NXNL1: variants seen among roughly 807,000 people sequenced by gnomAD.
The protein encoded by NXNL1 is nucleoredoxin like 1, also known as nucleoredoxin-like protein 1.
Under a neutral mutation model 7.2 loss-of-function variants are expected in NXNL1, and 6 were observed. The observed-to-expected ratio is 0.83, with a 90% CI of 0.46 to 1.64. NXNL1 has a LOEUF of 1.64. NXNL1 is among the 40% of genes most tolerant of loss of function. NXNL1 has a pLI of 0.01. For synonymous variants in NXNL1, 133 were observed against 127.2 expected (o/e 1.05, Z -0.31); for missense variants, 308 against 285.1 (o/e 1.08, Z -0.58).
At position 17,455,969 on chromosome 19, in the gene NXNL1, G is replaced by A. The variant is rs763601710; in HGVS notation, c.327-10C>T. 3.8e-6 allele frequency: 6 copies of A among 1,597,546 alleles called. No homozygotes were observed. Among genetic ancestry groups the A allele is most frequent in the African/African-American group, 2.7e-5 (2 of 75,004 alleles). ...CTGGCGCCCGAGGTCCCTGCGGAGC[G>A]GGCAGGTCAGTCTGGACGGATCCAC... is the stretch of plus-strand genomic sequence containing the variant. On this transcript the variant is annotated splice_polypyrimidine_tract_variant and intron_variant, in intron 1 of 1. Coordinates refer to ENST00000301944, the MANE Select transcript of NXNL1 (RefSeq NM_138454.2).
chr19:17,455,952 C>G lies in NXNL1; in HGVS notation c.334G>C (p.Gly112Arg). Residue 112 changes from glycine (G) to arginine (R), a missense_variant, in exon 2 of 2, where the codon GGG becomes CGG. By Grantham distance (125) the Gly-to-Arg change is moderately radical (BLOSUM62 -2). Coordinates refer to ENST00000301944, the MANE Select transcript of NXNL1 (RefSeq NM_138454.2). ...AGGCGCTCCACTGAGAACTGGCGCCCGAGGTCCCTGCGGAGCGGGCAGGTC... is the reference window on the plus strand; with the variant it reads ...AGGCGCTCCACTGAGAACTGGCGCCGGAGGTCCCTGCGGAGCGGGCAGGTC... Reference protein sequence around the residue: ...PFEDDLRRDLGRQFSVERLPA... With the variant: ...PFEDDLRRDLRRQFSVERLPA... The G allele has an allele frequency of 6.3e-7, 1 of 1,597,596 alleles. No individual in the cohort carries two copies. The highest frequency in any genetic ancestry group is 1.1e-5 in the South Asian group (1 of 91,000).
chr19:17,457,174 G>A (rs890868489), intron 1 of NXNL1, among the ~76,000 whole-genome samples: 1 of 151,730 alleles, frequency 6.6e-6, no homozygotes, highest in African/African-American at 2.4e-5. Flanking sequence ...GAGGTGGGAG[G>A]ATTGCTTGAG....
intron 1 of NXNL1, among the ~76,000 whole-genome samples, chr19:17,456,766 G>A (rs1339823941): frequency 1.3e-5 from 2 of 152,046 alleles, no homozygotes; most frequent in African/African-American, 4.8e-5. Flanking sequence ...GCCACAAAGA[G>A]AACCCATGAT....
At position 17,455,677 on chromosome 19, in the gene NXNL1, C is replaced by T; in HGVS notation, c.609G>A (p.Gly203=). Reference sequence around the variant, plus strand: ...ACAGCCCCCCGGCCCCGCCCTCCTCCCCACCCCCTCCCCCGGGGTCGCGCC... The same window carrying T: ...ACAGCCCCCCGGCCCCGCCCTCCTCTCCACCCCCTCCCCCGGGGTCGCGCC... ...RGGRDPGGGG[G]EEGGAGGLF is the part of the protein sequence containing the mutation. Residue 203 remains glycine, a synonymous_variant, in exon 2 of 2, where the codon GGG becomes GGA. Coordinates refer to ENST00000301944, the MANE Select transcript of NXNL1 (RefSeq NM_138454.2). 7.2e-7 allele frequency: 1 copy of T among 1,393,116 alleles called. No individual in the cohort carries two copies. Among genetic ancestry groups the T allele is most frequent in the Non-Finnish European group, 9.8e-7 (1 of 1,023,074 alleles). 86.3% of individuals were successfully genotyped at this position (1,393,116 alleles called of 1,614,324 possible).
In NXNL1 at chr19:17,460,862, G is replaced by A. The variant is rs1359451736; in HGVS notation, c.8C>T (p.Ser3Phe). 1.2e-6 allele frequency: 2 copies of A among 1,613,030 alleles called. No homozygotes were observed. The highest frequency in any genetic ancestry group is 2.7e-5 in the African/African-American group (2 of 74,942). MA[S>F]LFSGRILIRN... ...GATCAGGATGCGGCCAGAGAACAGGGAGGCCATGGTAACCTGGGTTGGGTG... is the reference window on the plus strand; with the variant it reads ...GATCAGGATGCGGCCAGAGAACAGGAAGGCCATGGTAACCTGGGTTGGGTG... The change falls in exon 1 of 2, where the codon TCC (serine) becomes TTC (phenylalanine). Residue 3 changes from serine to phenylalanine, a missense_variant. By Grantham distance (155) the Ser-to-Phe change is radical. Coordinates refer to ENST00000301944, the MANE Select transcript of NXNL1 (RefSeq NM_138454.2).
chr19:17,456,523 C>A (rs754856770), intron 1 of NXNL1, among the ~76,000 whole-genome samples: 2 of 151,776 alleles, frequency 1.3e-5, no homozygotes, highest in African/African-American at 4.8e-5. Context: ...GAATAAATAA[C>A]ATTCCAAGGC....
In NXNL1 at chr19:17,455,806, G is replaced by C. The variant is rs1442078321; in HGVS notation, c.480C>G (p.Asp160Glu). The change falls in exon 2 of 2, where the codon GAC becomes GAG. Residue 160 changes from aspartate to glutamate, a missense_variant. Asp to Glu is a conservative substitution (Grantham distance 45, BLOSUM62 2). Coordinates refer to ENST00000301944, the MANE Select transcript of NXNL1 (RefSeq NM_138454.2). ...ANWQEAAEVL[D>E]RNFQLPEDLE... is the part of the protein sequence containing the mutation. ...GGTCCTCTGGCAGCTGGAAGTTGCG[G>C]TCCAGCACCTCGGCCGCCTCCTGCC... 1 of 1,569,966 alleles carries C rather than the reference G, an allele frequency of 6.4e-7. No individual in the cohort carries two copies. The highest frequency in any genetic ancestry group is 1.2e-5 in the South Asian group (1 of 86,776).
rs1435450628 is a variant in NXNL1, at chr19:17,460,681, A to T, written c.189T>A (p.Asp63Glu). 6.2e-7 allele frequency: 1 copy of T among 1,613,728 alleles called. No individual in the cohort carries two copies. The highest frequency in any genetic ancestry group is 8.5e-7 in the Non-Finnish European group (1 of 1,179,968). Reference protein sequence around the residue: ...ILKDFFVRLTDEFYVLRAAQL... With the variant: ...ILKDFFVRLTEEFYVLRAAQL... ...GAGCCGCCCGCAGTACATAGAACTC[A>T]TCTGTGAGCCGCACGAAGAAGTCCT... The change falls in exon 1 of 2, where the codon GAT becomes GAA. Residue 63 changes from aspartate to glutamate, a missense_variant. Coordinates refer to ENST00000301944, the MANE Select transcript of NXNL1 (RefSeq NM_138454.2).
At chr19:17,457,219 G>A (rs962622560) in intron 1 of NXNL1, among the ~76,000 whole-genome samples, 1 of 151,808 alleles carries the variant, frequency 6.6e-6, no homozygotes, top group African/African-American at 2.4e-5. Flanking sequence ...GCAACATAAC[G>A]AGACCCCATC....
At chr19:17,460,380 G>T (rs1267307968) in intron 1 of NXNL1, among the ~76,000 whole-genome samples, 164 bp downstream of exon 1, 1 of 152,068 alleles carries the variant, frequency 6.6e-6, no homozygotes, top group Non-Finnish European at 1.5e-5. Context: ...CCCTGGGGTG[G>T]CATGGAAGCC....
Position 17,455,810 on chromosome 19 carries a change from A to G in NXNL1, c.476T>C (p.Leu159Pro). The change falls in exon 2 of 2, where the codon CTG becomes CCG. Residue 159 changes from leucine (L) to proline (P), a missense_variant. By Grantham distance (98) the Leu-to-Pro change is moderately conservative. Coordinates refer to ENST00000301944, the MANE Select transcript of NXNL1 (RefSeq NM_138454.2). ...FANWQEAAEV[L>P]DRNFQLPEDL... ...CTCTGGCAGCTGGAAGTTGCGGTCC[A>G]GCACCTCGGCCGCCTCCTGCCAGTT... 1.3e-6 allele frequency: 2 copies of G among 1,571,522 alleles called. No homozygotes were observed. The highest frequency in any genetic ancestry group is 8.6e-7 in the Non-Finnish European group (1 of 1,164,098).
Position 17,455,838 on chromosome 19 carries a change from C to A in NXNL1, c.448G>T (p.Ala150Ser), listed in dbSNP as rs779760677. 6.3e-7 allele frequency: 1 copy of A among 1,586,038 alleles called. No individual in the cohort carries two copies. The highest frequency in any genetic ancestry group is 1.7e-5 in the Admixed American group (1 of 57,612). Residue 150 changes from alanine to serine, a missense_variant, in exon 2 of 2, where the codon GCC becomes TCC. By Grantham distance (99) the Ala-to-Ser change is moderately conservative. Coordinates refer to ENST00000301944, the MANE Select transcript of NXNL1 (RefSeq NM_138454.2). ...EIQRLGTACF[A>S]NWQEAAEVLD... ...ACCTCGGCCGCCTCCTGCCAGTTGG[C>A]GAAGCAGGCGGTGCCCAGGCGCTGG...
In NXNL1 at chr19:17,460,844, A is replaced by C; in HGVS notation, c.26T>G (p.Ile9Ser). ...CTGGTCGCTATTGTTGCGGATCAGG[A>C]TGCGGCCAGAGAACAGGGAGGCCAT... MASLFSGR[I>S]LIRNNSDQDE... Residue 9 changes from isoleucine to serine, a missense_variant, in exon 1 of 2, where the codon ATC (isoleucine) becomes AGC (serine). Ile to Ser is a moderately radical substitution (Grantham distance 142). Transcript: ENST00000301944. 1 of 1,613,602 alleles carries C rather than the reference A, an allele frequency of 6.2e-7. No individual in the cohort carries two copies. The highest frequency in any genetic ancestry group is 8.5e-7 in the Non-Finnish European group (1 of 1,180,018).
At chr19:17,456,239 G>C (rs1170491816) in intron 1 of NXNL1, among the ~76,000 whole-genome samples, 1 of 151,898 alleles carries the variant, frequency 6.6e-6, no homozygotes, top group East Asian at 1.9e-4. Flanking sequence ...AGACCCTGTA[G>C]TATGGAGACC....
intron 1 of NXNL1, 90 bp from the exon 2 acceptor site, chr19:17,456,049 C>T: frequency 1.3e-6 from 2 of 1,555,238 alleles, no homozygotes; most frequent in Non-Finnish European, 1.7e-6. Context: ...ACTTAGGCAG[C>T]GCCTTCTGTG....
chr19:17,456,615 C>T (rs557168517), intron 1 of NXNL1, among the ~76,000 whole-genome samples: 5 of 152,188 alleles, frequency 3.3e-5, no homozygotes, highest in African/African-American at 9.6e-5. Flanking sequence ...GGCGTGGTGG[C>T]TCATGCCTGT....
In NXNL1 at chr19:17,455,485, G is replaced by C; in HGVS notation, c.*162C>G. The C allele has an allele frequency of 1.7e-6, 1 of 591,752 alleles. No homozygotes were observed. Among genetic ancestry groups the C allele is most frequent in the Non-Finnish European group, 3.0e-6 (1 of 335,398 alleles). 36.7% of individuals were successfully genotyped at this position (591,752 alleles called of 1,614,324 possible). A position where few individuals can be genotyped will look rare whatever the true frequency, so the allele number is the denominator to read the frequency against. Reference sequence around the variant, plus strand: ...ACCGGGCTAACTTTTAATTTTCGTAGAGTCAGGGTCTCACTCTCTTGCCCA... The same window carrying C: ...ACCGGGCTAACTTTTAATTTTCGTACAGTCAGGGTCTCACTCTCTTGCCCA... On this transcript the variant is annotated 3_prime_UTR_variant, in exon 2 of 2. Transcript: ENST00000301944.
intron 1 of NXNL1, among the ~76,000 whole-genome samples, chr19:17,458,188 CA>C: frequency 6.7e-6 from 1 of 149,134 alleles, no homozygotes; most frequent in South Asian, 2.1e-4. Flanking sequence ...TATGTTTGAA[CA>C]TTTTTTTTCT....
chr19:17,455,548 G>C lies in NXNL1; in HGVS notation c.*99C>G, dbSNP rs187776873. 4 of 723,772 alleles carry C rather than the reference G, an allele frequency of 5.5e-6. No individual in the cohort carries two copies. The East Asian group carries it at 1.1e-4, about 20-fold the overall frequency. 44.8% of individuals were successfully genotyped at this position (723,772 alleles called of 1,614,324 possible). ...ACCTCTGGGCTCAAGCGATCCTCCC[G>C]CCTTGGCCTCCCCAAGTGCTGGGAT... On this transcript the variant is annotated 3_prime_UTR_variant, in exon 2 of 2. Coordinates refer to ENST00000301944, the MANE Select transcript of NXNL1 (RefSeq NM_138454.2).
Sources: gnomAD v4.1 joint callset for allele counts (sites outside exome capture counted in the v4.1 genomes callset) on GRCh38, gnomAD v4.1.1 for gene constraint, MANE v1.5 for transcripts, NCBI Gene and HGNC (gene_info 2026-07-23, HGNC 2026-07-21) for gene names.